The following CERS6 variants were observed in gnomAD, a reference collection of about 807,000 sequenced individuals.
The protein encoded by CERS6 is LAG1 homolog, ceramide synthase 6.
In CERS6, 26 loss-of-function variants were observed where a neutral mutation model predicts 56.8. The observed-to-expected ratio is 0.46, with a 90% CI of 0.34 to 0.63. The LOEUF is 0.63. CERS6 is among the 30% of genes least tolerant of loss of function. The probability of loss-of-function intolerance (pLI) is 0.01; values close to 1 mark genes in which losing one functional copy is unlikely to be tolerated. For synonymous variants in CERS6, 164 were observed against 173.3 expected, an observed-to-expected ratio of 0.95 and a Z score of 0.42; for missense variants, 415 against 467.5, an observed-to-expected ratio of 0.89 and a Z score of 1.04.
intron 4 of CERS6, among the ~76,000 whole-genome samples, chr2:168,634,922 A>T (rs1684828871): frequency 6.6e-6 from 1 of 152,192 alleles, no homozygotes; most frequent in South Asian, 2.1e-4. Context: ...AAGTAAATTG[A>T]TCTACTGTTT....
intron 8 of CERS6, among the ~76,000 whole-genome samples, chr2:168,735,229 T>C (rs193104963): frequency 3.7e-4 from 57 of 152,176 alleles, no homozygotes; most frequent in African/African-American, 1.3e-3. Context: ...CATTTGCAGC[T>C]ATCAGTGCTG....
intron 6 of CERS6, among the ~76,000 whole-genome samples, chr2:168,709,204 G>A (rs1270016728): frequency 6.6e-6 from 1 of 152,094 alleles, no homozygotes; most frequent in Non-Finnish European, 1.5e-5. Flanking sequence ...CCAGGTAGCT[G>A]GAATTTTACC....
chr2:168,565,273 C>T (rs143948242), intron 3 of CERS6, among the ~76,000 whole-genome samples: 24 of 152,268 alleles, frequency 1.6e-4, no homozygotes, highest in Non-Finnish European at 2.5e-4. Flanking sequence ...ATGCATTTCG[C>T]AATCACCTAG....
At chr2:168,529,213 C>G (rs1430652464) in intron 1 of CERS6, among the ~76,000 whole-genome samples, 1 of 152,178 alleles carries the variant, frequency 6.6e-6, no homozygotes, top group African/African-American at 2.4e-5. Context: ...GTCATTGTCT[C>G]ATTCTTTCTG....
At chr2:168,564,477 A>G (rs899247029) in intron 3 of CERS6, among the ~76,000 whole-genome samples, 4 of 152,182 alleles carry the variant, frequency 2.6e-5, no homozygotes, top group South Asian at 2.1e-4. Flanking sequence ...AAATACTACT[A>G]TCCCCATGTT....
At chr2:168,592,057 A>G (rs1428425954) in intron 3 of CERS6, among the ~76,000 whole-genome samples, 2 of 152,208 alleles carry the variant, frequency 1.3e-5, no homozygotes, top group African/African-American at 4.8e-5. Flanking sequence ...ATATAAGACA[A>G]TTCTGATGGA....
chr2:168,614,989 C>G (rs1233133072), intron 3 of CERS6, among the ~76,000 whole-genome samples: 2 of 152,120 alleles, frequency 1.3e-5, no homozygotes, highest in African/African-American at 4.8e-5. Context: ...CTGCCACCTC[C>G]TCTGGAGCTG....
rs1035605706 is a variant in CERS6 at position 168,771,367 on chromosome 2, A to T, written c.*1705A>T. The T allele has an allele frequency of 6.6e-6, 1 of 152,220 alleles. No homozygotes were observed. The highest frequency in any genetic ancestry group is 1.5e-5 in the Non-Finnish European group (1 of 68,036). The allele number at this position is 152,220 out of a possible 1,614,324, so 9.4% of individuals were successfully genotyped here. A position where few individuals can be genotyped will look rare whatever the true frequency, so the allele number is the denominator to read the frequency against. ...TTGCCCTACTTATTTACAAAATAATATGTTTCTGTTATGGTCCTTAGTAAT... is the reference window on the plus strand; with the variant it reads ...TTGCCCTACTTATTTACAAAATAATTTGTTTCTGTTATGGTCCTTAGTAAT... On this transcript the variant is annotated 3_prime_UTR_variant, in exon 10 of 10. Coordinates refer to ENST00000305747, the MANE Select transcript of CERS6 (RefSeq NM_203463.3).
At chr2:168,486,664 A>C (rs10209582) in intron 1 of CERS6, among the ~76,000 whole-genome samples, 11,761 of 151,864 alleles carry the variant, frequency 0.077, 507 homozygotes, top group East Asian at 0.18. Flanking sequence ...TCTAGACTCT[A>C]TACTGCCTTA....
At chr2:168,596,082 C>CAAAAA (rs11416261) in intron 3 of CERS6, among the ~76,000 whole-genome samples, 1 of 138,898 alleles carries the variant, frequency 7.2e-6, no homozygotes, top group East Asian at 2.1e-4. Flanking sequence ...GACCCTGTCT[C>CAAAAA]AAAAAAAAAA....
chr2:168,471,987 A>G (rs1693986311), intron 1 of CERS6, among the ~76,000 whole-genome samples: 1 of 152,140 alleles, frequency 6.6e-6, no homozygotes, highest in African/African-American at 2.4e-5. Context: ...TGTAGATGAG[A>G]GTGTGAGTGC....
rs182742473 is a variant in CERS6, at chr2:168,553,973, A to C, written c.276+6272A>C. On this transcript the variant is annotated intron_variant, in intron 2 of 9. Coordinates refer to ENST00000305747, the MANE Select transcript of CERS6 (RefSeq NM_203463.3). Reference sequence around the variant, plus strand: ...AAGTATACGCATATTTAATAGTACCAGAGTAAATGCTAAGAAAGATAATAT... The same window carrying C: ...AAGTATACGCATATTTAATAGTACCCGAGTAAATGCTAAGAAAGATAATAT... 6.6e-4 allele frequency among the ~76,000 whole-genome samples: 101 copies of C among 152,326 alleles called. 1 individual carries two copies. The highest frequency in any genetic ancestry group is 1.1e-3 in the Non-Finnish European group (76 of 68,024).
chr2:168,712,871 G>GA (rs1687127706), intron 6 of CERS6, among the ~76,000 whole-genome samples: 3 of 151,956 alleles, frequency 2.0e-5, no homozygotes, highest in Admixed American at 6.6e-5. Flanking sequence ...TCATCTTTAA[G>GA]TCACCTTCTT....
chr2:168,734,820 G>A (rs1345768073), intron 8 of CERS6, among the ~76,000 whole-genome samples: 2 of 152,106 alleles, frequency 1.3e-5, no homozygotes, highest in African/African-American at 4.8e-5. Flanking sequence ...ATTCAAAAAG[G>A]CCAATTCATT....
rs1000101089 is a variant in CERS6 at position 168,770,318 on chromosome 2, G to A, written c.*656G>A. The A allele has an allele frequency of 6.6e-6, 1 of 152,324 alleles. No homozygotes were observed. Among genetic ancestry groups the A allele is most frequent in the Non-Finnish European group, 1.5e-5 (1 of 68,156 alleles). 9.4% of individuals were successfully genotyped at this position (152,324 alleles called of 1,614,324 possible). On this transcript the variant is annotated 3_prime_UTR_variant, in exon 10 of 10. Coordinates refer to ENST00000305747, the MANE Select transcript of CERS6 (RefSeq NM_203463.3). Reference sequence around the variant, plus strand: ...CTTTGAAATAGATTTCATTTCTTGTGCACACAGCCAAGATTTCTTCAATGG... The same window carrying A: ...CTTTGAAATAGATTTCATTTCTTGTACACACAGCCAAGATTTCTTCAATGG...
chr2:168,712,278 G>A (rs1687110376), intron 6 of CERS6, among the ~76,000 whole-genome samples: 1 of 152,170 alleles, frequency 6.6e-6, no homozygotes, highest in South Asian at 2.1e-4. Context: ...TGTTCAGCTT[G>A]GCTGAACATC....
chr2:168,756,606 A>T (rs535115671), intron 8 of CERS6, among the ~76,000 whole-genome samples: 1 of 152,234 alleles, frequency 6.6e-6, no homozygotes, highest in African/African-American at 2.4e-5. Context: ...AGCCCAAGGG[A>T]TAACACATTG....
chr2:168,581,661 A>G (rs1350032105), intron 3 of CERS6, among the ~76,000 whole-genome samples: 1 of 152,008 alleles, frequency 6.6e-6, no homozygotes, highest in Non-Finnish European at 1.5e-5. Context: ...CAGTTTTCAT[A>G]GTTTCCTGTT....
rs76825458 is a variant in CERS6 at position 168,770,049 on chromosome 2, A to G, written c.*387A>G. 1.3e-3 allele frequency: 297 copies of G among 225,692 alleles called. No homozygotes were observed. Among genetic ancestry groups the G allele is most frequent in the African/African-American group, 5.2e-3 (220 of 42,090 alleles). The allele number at this position is 225,692 out of a possible 1,614,324, so 14.0% of individuals were successfully genotyped here. A position where few individuals can be genotyped will look rare whatever the true frequency, so the allele number is the denominator to read the frequency against. On this transcript the variant is annotated 3_prime_UTR_variant, in exon 10 of 10. Transcript: ENST00000305747. ...TTCTCTTGCTGTAGTCCAATGTGCT[A>G]TGAGCATCAGCTTACTTTGTCACTT...
Sources: allele counts gnomAD v4.1 joint callset (sites outside exome capture counted in the v4.1 genomes callset), GRCh38; gene constraint gnomAD v4.1.1; transcripts MANE v1.5; gene names NCBI Gene and HGNC (gene_info 2026-07-23, HGNC 2026-07-21).